Variants in GSG1L observed in about 807,000 individuals in gnomAD.
The protein encoded by GSG1L is germ cell-specific gene 1-like protein.
In GSG1L, 24 loss-of-function variants were observed where a neutral mutation model predicts 42.1. The observed-to-expected ratio is 0.57, with a 90% CI of 0.41 to 0.80. The LOEUF (loss-of-function observed/expected upper bound fraction) is 0.80, where lower values mean the gene tolerates loss of function less well. GSG1L is among the 30% of genes least tolerant of loss of function. GSG1L has a pLI of 0.00. For synonymous variants in GSG1L, 215 were observed against 203.5 expected, an observed-to-expected ratio of 1.06 and a Z score of -0.48; for missense variants, 445 against 472.2, an observed-to-expected ratio of 0.94 and a Z score of 0.53.
intron 5 of GSG1L, among the ~76,000 whole-genome samples, chr16:27,826,383 C>T (rs532378355): frequency 1.8e-4 from 27 of 152,278 alleles, no homozygotes; most frequent in Middle Eastern, 3.4e-3. Flanking sequence ...GCCTCCTGTC[C>T]CCTTCCTCGT....
intron 2 of GSG1L, among the ~76,000 whole-genome samples, chr16:27,930,727 T>C (rs1013075766): frequency 5.3e-5 from 8 of 152,158 alleles, no homozygotes; most frequent in Non-Finnish European, 8.8e-5. Context: ...AATGCTCTTT[T>C]CTTTCTTTTT....
At chr16:27,922,436 G>C (rs1164507762) in intron 2 of GSG1L, among the ~76,000 whole-genome samples, 1 of 152,004 alleles carries the variant, frequency 6.6e-6, no homozygotes, top group African/African-American at 2.4e-5. Flanking sequence ...ATTTAACCTA[G>C]TAAGTTTCCC....
chr16:27,878,057 GA>G (rs141760357), intron 3 of GSG1L, among the ~76,000 whole-genome samples: 1,606 of 148,820 alleles, frequency 0.011, 29 homozygotes, highest in African/African-American at 0.037. Context: ...ATCTGTTAAA[GA>G]AAAAAAAAAT....
At chr16:27,914,087 C>T (rs2084422600) in intron 2 of GSG1L, among the ~76,000 whole-genome samples, 2 of 151,690 alleles carry the variant, frequency 1.3e-5, no homozygotes, top group African/African-American at 4.9e-5. Context: ...TTAATATAAT[C>T]TCAGGAGCAT....
At chr16:27,934,662 A>G (rs1356291448) in intron 2 of GSG1L, among the ~76,000 whole-genome samples, 2 of 152,214 alleles carry the variant, frequency 1.3e-5, no homozygotes, top group East Asian at 3.8e-4. Flanking sequence ...ACCATGGGAG[A>G]GCTGTGGCTC....
intron 1 of GSG1L, among the ~76,000 whole-genome samples, chr16:28,020,317 G>GATCCTGTTATAAGATTCCC (rs2085827989): frequency 6.6e-6 from 1 of 152,144 alleles, no homozygotes; most frequent in Non-Finnish European, 1.5e-5. Flanking sequence ...GTTATAAGGG[G>GATCCTGTTATAAGATTCCC]TGTCATTCCA....
chr16:28,028,127 C>G (rs752615885), intron 1 of GSG1L, among the ~76,000 whole-genome samples: 2 of 152,142 alleles, frequency 1.3e-5, no homozygotes, highest in Non-Finnish European at 2.9e-5. Context: ...TCAGACTGCC[C>G]TGGGCCCAAA....
chr16:27,896,509 C>T (rs750671911), intron 2 of GSG1L, among the ~76,000 whole-genome samples: 10 of 152,128 alleles, frequency 6.6e-5, no homozygotes, highest in Non-Finnish European at 1.5e-4. Flanking sequence ...CCATGGCACA[C>T]GTTTACCTAT....
intron 2 of GSG1L, among the ~76,000 whole-genome samples, chr16:27,931,134 A>G (rs1175691136): frequency 6.6e-6 from 1 of 152,220 alleles, no homozygotes; most frequent in East Asian, 1.9e-4. Flanking sequence ...CATTTATAAT[A>G]AAGCAAATCA....
intron 1 of GSG1L, among the ~76,000 whole-genome samples, chr16:28,019,402 A>G (rs984053662): frequency 6.6e-6 from 1 of 152,218 alleles, no homozygotes; most frequent in Non-Finnish European, 1.5e-5. Context: ...AATGCCCGGA[A>G]GTGACCCTAT....
intron 6 of GSG1L, among the ~76,000 whole-genome samples, chr16:27,802,352 T>C (rs771366900): frequency 1.3e-5 from 2 of 152,130 alleles, no homozygotes; most frequent in Non-Finnish European, 2.9e-5. Flanking sequence ...CCAGCCCACA[T>C]TCCCCTGACC....
chr16:27,791,324 G>T lies in GSG1L; in HGVS notation c.*46C>A. 1.6e-6 allele frequency: 2 copies of T among 1,220,996 alleles called. No individual in the cohort carries two copies. The highest frequency in any genetic ancestry group is 2.2e-6 in the Non-Finnish European group (2 of 920,734). The allele number at this position is 1,220,996 out of a possible 1,614,324, so 75.6% of individuals were successfully genotyped here. ...CTCTGGTGGTCTTGCAGCAGGGGCT[G>T]GTGCCAGCGATGGCCTGAGGTCCGC... On this transcript the variant is annotated 3_prime_UTR_variant, in exon 7 of 7. Transcript: ENST00000447459.
rs760014878 is a variant in GSG1L, at chr16:28,063,332, G to A, written c.93C>T (p.His31=). 2.8e-6 allele frequency: 4 copies of A among 1,405,062 alleles called. No individual in the cohort carries two copies. In the South Asian group the frequency reaches 4.0e-5, roughly 14 times the overall value. 87.0% of individuals were successfully genotyped at this position (1,405,062 alleles called of 1,614,324 possible). ...LFATTAFLTT[H]WCQGTQRVPK... ...GGACCCGCTGCGTGCCCTGGCACCA[G>A]TGCGTGGTGAGGAAAGCGGTGGTGG... The change falls in exon 1 of 7, where the codon CAC becomes CAT. Residue 31 remains histidine, a synonymous_variant. Coordinates refer to ENST00000447459, the MANE Select transcript of GSG1L (RefSeq NM_001109763.2). This position sits in a 1 kb window ranked among gnomAD's most constrained non-coding sequence, Gnocchi z 5.8.
chr16:27,839,232 C>T (rs537385382), intron 4 of GSG1L, among the ~76,000 whole-genome samples: 2 of 152,202 alleles, frequency 1.3e-5, no homozygotes, highest in Non-Finnish European at 2.9e-5. Context: ...GCCACTAGGA[C>T]AGGAGTGAGA....
intron 2 of GSG1L, among the ~76,000 whole-genome samples, chr16:27,953,941 ATTTGGAAAGAG>A (rs1200363986): frequency 6.6e-6 from 1 of 152,206 alleles, no homozygotes; most frequent in Non-Finnish European, 1.5e-5. Context: ...AAATAATTGA[ATTTGGAAAGAG>A]TTGAGGATGA....
At chr16:27,895,663 G>A (rs751665256) in intron 2 of GSG1L, among the ~76,000 whole-genome samples, 17 of 152,190 alleles carry the variant, frequency 1.1e-4, no homozygotes, top group African/African-American at 2.9e-4. Context: ...AGCTGTTCCC[G>A]AAAGTTCTCT....
intron 3 of GSG1L, among the ~76,000 whole-genome samples, chr16:27,857,786 A>T (rs1281931777): frequency 6.7e-6 from 1 of 149,508 alleles, no homozygotes; most frequent in Non-Finnish European, 1.5e-5. Flanking sequence ...CTCTCTCCCT[A>T]CCCCCTCTCC....
rs1391062240 is a variant in GSG1L at position 27,988,765 on chromosome 16, A to AT, written c.350-25563_350-25562insA. ...CAACTGCAATTAAGAAAAAAAAAAA[A>AT]AGGAGAGGGCTGGGCCTGGTGGCTC... On this transcript the variant is annotated intron_variant, in intron 1 of 6. Transcript: ENST00000447459. Among the ~76,000 whole-genome samples the AT allele has an allele frequency of 2.0e-5, 3 of 151,130 alleles. No homozygotes were observed. The East Asian group carries it at 5.8e-4, about 29-fold the overall frequency.
At chr16:27,920,579 C>A (rs1023275378) in intron 2 of GSG1L, among the ~76,000 whole-genome samples, 1 of 152,192 alleles carries the variant, frequency 6.6e-6, no homozygotes, top group African/African-American at 2.4e-5. Context: ...ACATGTTTTG[C>A]TCAGGAAAAT....
Sources: allele counts gnomAD v4.1 joint callset (sites outside exome capture counted in the v4.1 genomes callset), GRCh38; gene constraint gnomAD v4.1.1; non-coding constraint Gnocchi (gnomAD v3.1); transcripts MANE v1.5; gene names NCBI Gene and HGNC (gene_info 2026-07-23, HGNC 2026-07-21).